The following LZTFL1 variants were observed in gnomAD, a reference collection of about 807,000 sequenced individuals.
The protein encoded by LZTFL1 is leucine zipper transcription factor-like protein 1.
LZTFL1 carries 25 observed loss-of-function variants against 45.9 expected under a neutral mutation model. That is an observed-to-expected ratio of 0.54 (90% confidence interval 0.40 to 0.76). The LOEUF is 0.76. Among genes scored for constraint, LZTFL1 ranks in the 30% least tolerant of loss-of-function variants. The pLI, the probability that LZTFL1 is intolerant of heterozygous loss-of-function variation, is 0.00. For missense variants in LZTFL1, 277 were observed against 331.1 expected (o/e 0.84, Z 1.27); for synonymous variants, 93 against 117.4 (o/e 0.79, Z 1.35).
intron 2 of LZTFL1, among the ~76,000 whole-genome samples, chr3:45,896,658 G>A (rs1702366345): frequency 6.6e-6 from 1 of 152,222 alleles, no homozygotes; most frequent in Non-Finnish European, 1.5e-5. Context: ...CAGGGTGAAT[G>A]TCAAAGCACT....
chr3:45,862,423 G>A (rs1701506181), intron 2 of LZTFL1, among the ~76,000 whole-genome samples: 1 of 152,146 alleles, frequency 6.6e-6, no homozygotes, highest in Non-Finnish European at 1.5e-5. Context: ...TAATGACACA[G>A]GACAAAATCA....
intron 4 of LZTFL1, among the ~76,000 whole-genome samples, chr3:45,850,500 C>T (rs1701291590): frequency 6.6e-6 from 1 of 152,232 alleles, no homozygotes; most frequent in Non-Finnish European, 1.5e-5. Context: ...ACCATTCCTT[C>T]CTTTTATCCA....
rs201928190 is a variant in LZTFL1, at chr3:45,833,140, A to G, written c.385-19T>C. ...AGATGGGCTGAAACAAAATAAAGAA[A>G]CCAAACTGAAATCACCACAGAATAA... On this transcript the variant is annotated intron_variant, in intron 4 of 9. Coordinates refer to ENST00000296135, the MANE Select transcript of LZTFL1 (RefSeq NM_020347.4). 3 of 1,575,288 alleles carry G rather than the reference A, an allele frequency of 1.9e-6. No individual in the cohort carries two copies. Among genetic ancestry groups the G allele is most frequent in the South Asian group, 1.1e-5 (1 of 90,216 alleles).
Position 45,900,946 on chromosome 3 carries a change from C to A in LZTFL1, c.-215+12174G>T. On this transcript the variant is annotated intron_variant, in intron 2 of 4. Transcript: ENST00000472635. This position sits in a 1 kb window ranked among gnomAD's most constrained non-coding sequence, Gnocchi z 4.7. ...CAGTTTGCGAGCCATTTCCTCCCAC[C>A]CTTGTACTGGCTCGTGTTCATCGTG... 1 of 1,614,214 alleles carries A rather than the reference C, an allele frequency of 6.2e-7. No individual in the cohort carries two copies.
intron 3 of LZTFL1, 21 bp from the exon 4 acceptor site, chr3:45,834,319 T>C: frequency 6.8e-7 from 1 of 1,467,884 alleles, no homozygotes. Flanking sequence ...AAAGCAAAGA[T>C]AAAAATTATT....
chr3:45,906,837 A>T (rs1702690074), intron 2 of LZTFL1, among the ~76,000 whole-genome samples: 1 of 152,188 alleles, frequency 6.6e-6, no homozygotes, highest in Admixed American at 6.5e-5. Context: ...GAACCTTAGA[A>T]TTCCTGCTGT....
chr3:45,829,511 G>T (rs1039636158), intron 7 of LZTFL1, among the ~76,000 whole-genome samples: 21 of 151,756 alleles, frequency 1.4e-4, no homozygotes, highest in Non-Finnish European at 8.8e-5. Context: ...GGCTGAGGTG[G>T]GAGGATCGCT....
rs1700727090 is a variant in LZTFL1 at position 45,828,520 on chromosome 3, G to A, written c.696C>T (p.Asn232=). ...CCAGATTCTCCTCCAGTGACTTCTG[G>A]TTTTCTGTCTTGTCATTAAGTGTCT... is the stretch of plus-strand genomic sequence containing the variant. ...FQKTLNDKTE[N]QKSLEENLAT... is the part of the protein sequence containing the mutation. Residue 232 remains asparagine (N), a synonymous_variant, in exon 8 of 10, where the codon AAC becomes AAT. Transcript: ENST00000296135. 6.2e-7 allele frequency: 1 copy of A among 1,614,036 alleles called. No homozygotes were observed. The highest frequency in any genetic ancestry group is 8.5e-7 in the Non-Finnish European group (1 of 1,180,024).
Position 45,842,100 on chromosome 3 carries a change from T to A in LZTFL1, c.-109A>T. ...GACCACAGAAAATGGGGAAGGAGGG[T>A]AGGTTGTTTAGAAGCCTCTGGTTGC... On this transcript the variant is annotated 5_prime_UTR_variant, in exon 1 of 10. Coordinates refer to ENST00000296135, the MANE Select transcript of LZTFL1 (RefSeq NM_020347.4). 6.4e-7 allele frequency: 1 copy of A among 1,555,344 alleles called. No homozygotes were observed. Among genetic ancestry groups the A allele is most frequent in the South Asian group, 1.2e-5 (1 of 84,998 alleles).
chr3:45,889,271 C>T (rs1176579414), intron 2 of LZTFL1, among the ~76,000 whole-genome samples: 1 of 152,044 alleles, frequency 6.6e-6, no homozygotes, highest in Non-Finnish European at 1.5e-5. Flanking sequence ...AGGCATGAGC[C>T]ATCTTGCCTG....
chr3:45,883,801 A>G (rs1701910085), intron 2 of LZTFL1: 1 of 540,442 alleles, frequency 1.9e-6, no homozygotes, highest in Non-Finnish European at 3.4e-6. Context: ...CCAAGGCCCC[A>G]AGACCATGAA....
At chr3:45,878,976 C>T (rs1701802038) in intron 2 of LZTFL1, among the ~76,000 whole-genome samples, 1 of 152,214 alleles carries the variant, frequency 6.6e-6, no homozygotes, top group African/African-American at 2.4e-5. Context: ...AAGCCACACA[C>T]CTATTAGAAT....
intron 2 of LZTFL1, among the ~76,000 whole-genome samples, chr3:45,888,230 G>A (rs1315589943): frequency 6.6e-6 from 1 of 152,106 alleles, no homozygotes; most frequent in East Asian, 1.9e-4. Flanking sequence ...TCATGCCTTA[G>A]TGCATATGTT....
At chr3:45,882,382 A>G (rs1198085773) in intron 2 of LZTFL1, among the ~76,000 whole-genome samples, 1 of 152,246 alleles carries the variant, frequency 6.6e-6, no homozygotes, top group Non-Finnish European at 1.5e-5. Context: ...GCGTTAATCA[A>G]TGAAAAGTAG....
chr3:45,846,561 G>A (rs1701220421), upstream of LZTFL1, among the ~76,000 whole-genome samples: 1 of 151,968 alleles, frequency 6.6e-6, no homozygotes, highest in Non-Finnish European at 1.5e-5. Flanking sequence ...AACATAAATA[G>A]TTCATGAGCA....
intron 2 of LZTFL1, among the ~76,000 whole-genome samples, chr3:45,862,658 T>C (rs1178915266): frequency 1.3e-5 from 2 of 152,170 alleles, no homozygotes; most frequent in Admixed American, 6.5e-5. Flanking sequence ...TTGCTGTAAG[T>C]AAGAAAAAAG....
In LZTFL1 at chr3:45,882,478, GAGAA is replaced by G. The variant is rs1701877632; in HGVS notation, c.-214-23466_-214-23463del. Among the ~76,000 whole-genome samples, 5 of 152,312 alleles carry G rather than the reference GAGAA, an allele frequency of 3.3e-5. No homozygotes were observed. In the South Asian group the frequency reaches 8.3e-4, roughly 25 times the overall value. On this transcript the variant is annotated intron_variant, in intron 2 of 4. Transcript: ENST00000472635. ...TATGTACAGGAGGCTAAGGAAGGAGGAGAACAAGATTACAAATCTATAGTAGTTT... is the reference window on the plus strand; with the variant it reads ...TATGTACAGGAGGCTAAGGAAGGAGGCAAGATTACAAATCTATAGTAGTTT...
At chr3:45,858,530 G>A (rs559941760) in intron 3 of LZTFL1, among the ~76,000 whole-genome samples, 8 of 152,228 alleles carry the variant, frequency 5.3e-5, no homozygotes, top group Non-Finnish European at 1.0e-4. Context: ...TTTATCATTT[G>A]TTAAAGTTAA....
chr3:45,880,997 T>C (rs1012063284), intron 2 of LZTFL1, among the ~76,000 whole-genome samples: 2 of 152,200 alleles, frequency 1.3e-5, no homozygotes. Context: ...AGGATTCCAA[T>C]GAGATCTTCC....
Sources: gnomAD v4.1 joint callset for allele counts (sites outside exome capture counted in the v4.1 genomes callset) on GRCh38, gnomAD v4.1.1 for gene constraint, Gnocchi (gnomAD v3.1) non-coding constraint, MANE v1.5 for transcripts, NCBI Gene and HGNC (gene_info 2026-07-23, HGNC 2026-07-21) for gene names.